Variants in SUCO observed in about 807,000 individuals in gnomAD.
The protein encoded by SUCO is SUN domain-containing ossification factor.
Under a neutral mutation model 148.1 loss-of-function variants are expected in SUCO, and 57 were observed. That is an observed-to-expected ratio of 0.38 (90% CI 0.31 to 0.48). SUCO has a LOEUF of 0.48. SUCO is among the 20% of genes least tolerant of loss of function. The pLI is 0.96. For missense variants in SUCO, 1,331 were observed against 1,468.2 expected (o/e 0.91, Z 1.53); for synonymous variants, 470 against 502.7 (o/e 0.93, Z 0.87).
At chr1:172,601,398 C>T (rs930337736) in intron 20 of SUCO, among the ~76,000 whole-genome samples, 1 of 151,504 alleles carries the variant, frequency 6.6e-6, no homozygotes, top group African/African-American at 2.4e-5. Context: ...GCTTGGGAGG[C>T]CAAGGCAGGA....
chr1:172,532,812 A>AG (rs1651685981), upstream of SUCO: 1 of 1,598,862 alleles, frequency 6.3e-7, no homozygotes, highest in South Asian at 1.1e-5. Flanking sequence ...GTCCACTGTA[A>AG]GGGGAAATGC....
intron 6 of SUCO, among the ~76,000 whole-genome samples, chr1:172,561,293 G>T (rs541552115): frequency 2.0e-5 from 3 of 152,278 alleles, no homozygotes; most frequent in Non-Finnish European, 2.9e-5. Context: ...TTCATTCAGT[G>T]GGGGGAGTTC....
intron 4 of SUCO, chr1:172,557,062 T>A (rs1571205534): frequency 1.0e-6 from 1 of 976,796 alleles, no homozygotes; most frequent in Admixed American, 6.2e-5. Flanking sequence ...TTTTTAAAAA[T>A]CTTATTTTTG....
chr1:172,532,474 T>A, upstream of SUCO: 1 of 1,611,500 alleles, frequency 6.2e-7, no homozygotes, highest in Non-Finnish European at 8.5e-7. Flanking sequence ...ACCAATCAGA[T>A]GAGAGGATTC....
chr1:172,599,395 G>T, intron 19 of SUCO: 1 of 771,968 alleles, frequency 1.3e-6, no homozygotes, highest in Non-Finnish European at 1.6e-6. Flanking sequence ...CTATGATTGT[G>T]ATGTAGAATT....
At chr1:172,552,693 A>T in intron 2 of SUCO, 16 of 932,210 alleles carry the variant, frequency 1.7e-5, no homozygotes, top group Non-Finnish European at 2.0e-5. Flanking sequence ...CACAGTATAT[A>T]AGATTTTGAT....
At chr1:172,540,156 C>T (rs965951411) in intron 1 of SUCO, among the ~76,000 whole-genome samples, 13 of 152,120 alleles carry the variant, frequency 8.5e-5, no homozygotes, top group African/African-American at 2.7e-4. Flanking sequence ...AACAGCTTGC[C>T]CAAGTTCTTA....
At position 172,578,357 on chromosome 1, in the gene SUCO, C is replaced by G; in HGVS notation, c.1400C>G (p.Ser467Ter). ...YEEIADSQYH[S>*]ERQELFDEDY... ...GAAATTGCTGATTCCCAGTATCACT[C>G]AGAACGCCAGGAACTATTTGATGAG... Residue 467 changes from serine (S) to a stop codon, truncating the protein, a stop_gained, in exon 14 of 24, where the codon TCA becomes TGA. Coordinates refer to ENST00000263688, the MANE Select transcript of SUCO (RefSeq NM_014283.5). LOFTEE classifies it high-confidence loss of function. The G allele has an allele frequency of 1.9e-6, 3 of 1,612,538 alleles. No individual in the cohort carries two copies. The highest frequency in any genetic ancestry group is 2.5e-6 in the Non-Finnish European group (3 of 1,178,768).
chr1:172,585,748 C>A, intron 16 of SUCO, 110 bp from the exon 17 acceptor site: 2 of 688,246 alleles, frequency 2.9e-6, no homozygotes, highest in East Asian at 2.6e-5. Flanking sequence ...TCTGCAGTAG[C>A]AAACCTATTT....
At chr1:172,549,834 T>C (rs1179900046) in intron 1 of SUCO, among the ~76,000 whole-genome samples, 3 of 151,656 alleles carry the variant, frequency 2.0e-5, no homozygotes, top group African/African-American at 7.2e-5. Context: ...AGATCGTAGG[T>C]TGCCACAACA....
intron 10 of SUCO, among the ~76,000 whole-genome samples, chr1:172,574,642 A>G (rs1156495711): frequency 6.6e-6 from 1 of 152,050 alleles, no homozygotes; most frequent in Non-Finnish European, 1.5e-5. Flanking sequence ...AGTCTTTTAC[A>G]CGTATCATTT....
At position 172,557,673 on chromosome 1, in the gene SUCO, C is replaced by G; in HGVS notation, c.611C>G (p.Ser204Ter). The change falls in exon 6 of 24, where the codon TCA (serine) becomes TGA (stop). Residue 204 changes from serine (S) to a stop codon, truncating the protein, a stop_gained. Coordinates refer to ENST00000263688, the MANE Select transcript of SUCO (RefSeq NM_014283.5). LOFTEE classifies it high-confidence loss of function. ...SLVGQHIENV[S>*]SSHGKGKITK... ...GTTGGCCAGCATATAGAAAATGTAT[C>G]ATCTTCACATGGTAAAGGAAAGATA... 3.1e-6 allele frequency: 5 copies of G among 1,610,262 alleles called. No individual in the cohort carries two copies. The highest frequency in any genetic ancestry group is 4.2e-6 in the Non-Finnish European group (5 of 1,178,720).
intron 15 of SUCO, among the ~76,000 whole-genome samples, 167 bp from the exon 16 acceptor site, chr1:172,584,851 T>C (rs1233240580): frequency 6.6e-6 from 1 of 152,224 alleles, no homozygotes; most frequent in African/African-American, 2.4e-5. Context: ...CACTTTTGGC[T>C]AAAATTTATT....
chr1:172,583,458 A>G (rs1363050549), intron 15 of SUCO, among the ~76,000 whole-genome samples: 1 of 152,130 alleles, frequency 6.6e-6, no homozygotes, highest in African/African-American at 2.4e-5. Context: ...ATTCCTAGCT[A>G]TCACTTTAAA....
Position 172,600,052 on chromosome 1 carries a change from C to A in SUCO, c.2914-12C>A, listed in dbSNP as rs1347835457. The A allele has an allele frequency of 6.5e-7, 1 of 1,545,656 alleles. No individual in the cohort carries two copies. Among genetic ancestry groups the A allele is most frequent in the South Asian group, 1.2e-5 (1 of 81,014 alleles). On this transcript the variant is annotated splice_polypyrimidine_tract_variant and intron_variant, in intron 19 of 23. Transcript: ENST00000263688. Reference sequence around the variant, plus strand: ...GTTAATATTCAAAAAAAAATAAATTCCTTTATCATAGGATCAGCGGCAAAC... The same window carrying A: ...GTTAATATTCAAAAAAAAATAAATTACTTTATCATAGGATCAGCGGCAAAC...
At chr1:172,573,059 T>C (rs1180500591) in intron 9 of SUCO, among the ~76,000 whole-genome samples, 1 of 152,214 alleles carries the variant, frequency 6.6e-6, no homozygotes, top group Non-Finnish European at 1.5e-5. Context: ...TGGGGTATAG[T>C]TGACATACAA....
intron 1 of SUCO, among the ~76,000 whole-genome samples, chr1:172,547,305 G>T (rs1031212574): frequency 3.3e-5 from 5 of 152,150 alleles, no homozygotes; most frequent in African/African-American, 1.2e-4. Flanking sequence ...TGGTTATCTG[G>T]ACTGCTTCCA....
chr1:172,601,380 A>G (rs1312708506), intron 20 of SUCO, among the ~76,000 whole-genome samples: 2 of 151,946 alleles, frequency 1.3e-5, no homozygotes, highest in African/African-American at 4.8e-5. Flanking sequence ...AATCCCAGCA[A>G]CTTGGGAGCT....
At chr1:172,557,857 G>T in intron 6 of SUCO, 63 bp downstream of exon 6, 1 of 1,296,208 alleles carries the variant, frequency 7.7e-7, no homozygotes, top group Non-Finnish European at 1.1e-6. Flanking sequence ...TATTAGCTAA[G>T]CTTATAATAA....
Sources: allele counts gnomAD v4.1 joint callset (sites outside exome capture counted in the v4.1 genomes callset), GRCh38; gene constraint gnomAD v4.1.1; transcripts MANE v1.5; gene names NCBI Gene and HGNC (gene_info 2026-07-23, HGNC 2026-07-21).